Variants in PCBD2 observed in about 807,000 individuals in gnomAD.
The protein encoded by PCBD2 is pterin-4 alpha-carbinolamine dehydratase 2.
In PCBD2, 12 loss-of-function variants were observed where a neutral mutation model predicts 16.4. The observed-to-expected ratio is 0.73, with a 90% CI of 0.47 to 1.19. PCBD2 has a LOEUF of 1.19. Among genes scored for constraint, PCBD2 ranks in the 50% most tolerant of loss-of-function variants. The probability of loss-of-function intolerance (pLI) is 0.00; values close to 1 mark genes in which losing one functional copy is unlikely to be tolerated. For synonymous variants in PCBD2, 58 were observed against 61.8 expected, an observed-to-expected ratio of 0.94 and a Z score of 0.29; for missense variants, 138 against 156.8, an observed-to-expected ratio of 0.88 and a Z score of 0.64.
intron 2 of PCBD2, among the ~76,000 whole-genome samples, chr5:134,911,463 T>TA (rs1452241760): frequency 1.8e-4 from 28 of 152,354 alleles, no homozygotes; most frequent in African/African-American, 6.7e-4. Flanking sequence ...TTTGTTCAGT[T>TA]AGTTTGGTAA....
intron 2 of PCBD2, among the ~76,000 whole-genome samples, chr5:134,956,223 C>T (rs1751413971): frequency 6.6e-6 from 1 of 151,708 alleles, no homozygotes; most frequent in African/African-American, 2.4e-5. Context: ...TATTATGTGA[C>T]AGTTGAAGGG....
At chr5:134,949,548 G>A (rs1373828991) in intron 2 of PCBD2, among the ~76,000 whole-genome samples, 2 of 152,224 alleles carry the variant, frequency 1.3e-5, no homozygotes, top group African/African-American at 4.8e-5. Flanking sequence ...TAGTTGACCA[G>A]TGTGCTAAAA....
At chr5:134,940,528 T>C (rs113398461) in intron 2 of PCBD2, among the ~76,000 whole-genome samples, 246 of 152,296 alleles carry the variant, frequency 1.6e-3, no homozygotes, top group African/African-American at 5.6e-3. Context: ...GGAATGGCTC[T>C]TAAGTTTGCA....
At chr5:134,921,938 A>G (rs1341523457) in intron 2 of PCBD2, among the ~76,000 whole-genome samples, 1 of 152,192 alleles carries the variant, frequency 6.6e-6, no homozygotes, top group Non-Finnish European at 1.5e-5. Flanking sequence ...ATTATATTTT[A>G]TAGGGCATGC....
chr5:134,921,137 A>G (rs1243884530), intron 2 of PCBD2, among the ~76,000 whole-genome samples: 2 of 152,310 alleles, frequency 1.3e-5, no homozygotes, highest in African/African-American at 4.8e-5. Flanking sequence ...TTGGGCTTAT[A>G]TCCACTGAGG....
chr5:134,910,300 T>C (rs1176149268), intron 1 of PCBD2, 35 bp from the exon 2 acceptor site: 3 of 1,602,384 alleles, frequency 1.9e-6, no homozygotes, highest in Non-Finnish European at 2.6e-6. Flanking sequence ...AGTAAACTTG[T>C]ACATTTTCAG....
intron 2 of PCBD2, chr5:134,924,368 G>A (rs1750956399): frequency 2.5e-6 from 1 of 396,472 alleles, no homozygotes; most frequent in Non-Finnish European, 4.4e-6. Flanking sequence ...CTGAGGCATG[G>A]GGGTCAGGGG....
intron 2 of PCBD2, among the ~76,000 whole-genome samples, chr5:134,942,684 G>A (rs904632856): frequency 1.3e-5 from 2 of 152,100 alleles, no homozygotes; most frequent in African/African-American, 4.8e-5. Context: ...CCTGTTCCTT[G>A]TGTATACTAG....
intron 2 of PCBD2, among the ~76,000 whole-genome samples, chr5:134,955,309 G>GTTTT (rs201125597): frequency 7.6e-6 from 1 of 131,114 alleles, no homozygotes; most frequent in Admixed American, 7.7e-5. Context: ...AGCAACAATG[G>GTTTT]TTTTTTTTTT....
chr5:134,942,130 CA>C (rs397882223), intron 2 of PCBD2, among the ~76,000 whole-genome samples: 86 of 82,298 alleles, frequency 1.0e-3, no homozygotes, highest in African/African-American at 1.2e-3. Context: ...GGCTCTGTCT[CA>C]AAAAAAAAAA....
intron 2 of PCBD2, among the ~76,000 whole-genome samples, chr5:134,920,188 G>A (rs1052659041): frequency 1.8e-4 from 27 of 152,066 alleles, no homozygotes; most frequent in African/African-American, 6.5e-4. Flanking sequence ...ATTATGTTGC[G>A]CTTTTGATCT....
At chr5:134,907,064 TG>T (rs1561905184) in intron 1 of PCBD2, among the ~76,000 whole-genome samples, 2 of 152,332 alleles carry the variant, frequency 1.3e-5, no homozygotes, top group South Asian at 4.1e-4. Flanking sequence ...AGCGGGGATG[TG>T]GATGGTCCAG....
intron 2 of PCBD2, among the ~76,000 whole-genome samples, chr5:134,919,911 G>T (rs947871739): frequency 5.3e-5 from 8 of 152,210 alleles, no homozygotes; most frequent in African/African-American, 1.9e-4. Flanking sequence ...CCATGACACA[G>T]AACTTGCATT....
rs888581027 is a variant in PCBD2 at position 134,950,299 on chromosome 5, A to C, written c.217-8741A>C. On this transcript the variant is annotated intron_variant, in intron 2 of 3. Coordinates refer to ENST00000254908, the MANE Select transcript of PCBD2 (RefSeq NM_032151.5). Reference sequence around the variant, plus strand: ...GAGATATGTTCTTTTTTAGTGCATAATTAAAATAGTCTATAATCAAAATAT... The same window carrying C: ...GAGATATGTTCTTTTTTAGTGCATACTTAAAATAGTCTATAATCAAAATAT... 5.3e-5 allele frequency among the ~76,000 whole-genome samples: 8 copies of C among 152,336 alleles called. No homozygotes were observed. The East Asian group carries it at 1.3e-3, about 26-fold the overall frequency.
At chr5:134,916,560 AT>A (rs1215897673) in intron 2 of PCBD2, among the ~76,000 whole-genome samples, 2 of 152,210 alleles carry the variant, frequency 1.3e-5, no homozygotes, top group African/African-American at 4.8e-5. Context: ...TGAAAAACCT[AT>A]TTCTTGAAGC....
At chr5:134,940,979 G>T (rs2149537444) in intron 2 of PCBD2, among the ~76,000 whole-genome samples, 1 of 152,154 alleles carries the variant, frequency 6.6e-6, no homozygotes, top group East Asian at 1.9e-4. Context: ...AATTAGCGTG[G>T]TGGCGCATGC....
intron 1 of PCBD2, among the ~76,000 whole-genome samples, chr5:134,906,194 ATTTTTTTTT>A (rs1158334317): frequency 5.4e-4 from 36 of 66,522 alleles, no homozygotes; most frequent in African/African-American, 1.7e-3. Context: ...TAATAGAAGA[ATTTTTTTTT>A]TTTTTTTTTT....
intron 2 of PCBD2, among the ~76,000 whole-genome samples, chr5:134,938,680 A>T (rs906513450): frequency 2.0e-5 from 3 of 152,232 alleles, no homozygotes; most frequent in African/African-American, 7.2e-5. Context: ...CTGTGAAGTT[A>T]GGAATGCTTG....
intron 2 of PCBD2, among the ~76,000 whole-genome samples, chr5:134,930,850 A>T (rs1343704135): frequency 6.6e-6 from 1 of 152,152 alleles, no homozygotes; most frequent in Non-Finnish European, 1.5e-5. Flanking sequence ...ACAATTCTTT[A>T]ATCTCAAATT....
Sources: allele counts gnomAD v4.1 joint callset (sites outside exome capture counted in the v4.1 genomes callset), GRCh38; gene constraint gnomAD v4.1.1; transcripts MANE v1.5; gene names NCBI Gene and HGNC (gene_info 2026-07-23, HGNC 2026-07-21).